The following KREMEN1 variants were observed in gnomAD, a reference collection of about 807,000 sequenced individuals.
KREMEN1 encodes the protein kremen protein 1.
KREMEN1 carries 30 observed loss-of-function variants against 46.5 expected under a neutral mutation model. The observed-to-expected ratio is 0.65, with a 90% CI of 0.48 to 0.88. The LOEUF (loss-of-function observed/expected upper bound fraction) is 0.88. Ranked by LOEUF, KREMEN1 falls within the 40% of genes least tolerant of loss-of-function variation. The probability of loss-of-function intolerance (pLI) is 0.00; values close to 1 mark genes in which losing one functional copy is unlikely to be tolerated. For synonymous variants in KREMEN1, 214 were observed against 230.6 expected (o/e 0.93, Z 0.65); for missense variants, 533 against 596.9 (o/e 0.89, Z 1.11).
chr22:29,157,826 A>G (rs2038976902), intron 9 of KREMEN1, among the ~76,000 whole-genome samples: 1 of 152,226 alleles, frequency 6.6e-6, no homozygotes, highest in Non-Finnish European at 1.5e-5. Flanking sequence ...ACTACAAAGT[A>G]AGAAGGGATT....
intron 3 of KREMEN1, among the ~76,000 whole-genome samples, chr22:29,119,446 G>A (rs759222547): frequency 2.0e-5 from 3 of 152,224 alleles, no homozygotes; most frequent in African/African-American, 7.2e-5. Flanking sequence ...GGATGTGGGG[G>A]TGTGGGACTG....
chr22:29,097,989 C>A (rs2037908544), intron 2 of KREMEN1, among the ~76,000 whole-genome samples: 1 of 152,134 alleles, frequency 6.6e-6, no homozygotes, highest in Non-Finnish European at 1.5e-5. Context: ...GGAGACCAGA[C>A]TGGCCAATAT....
intron 1 of KREMEN1, among the ~76,000 whole-genome samples, chr22:29,087,432 G>GT (rs1234921583): frequency 2.0e-5 from 3 of 152,184 alleles, no homozygotes; most frequent in Non-Finnish European, 2.9e-5. Context: ...TCAATAGTGT[G>GT]TTTTTGGACA....
In KREMEN1 at chr22:29,145,947, C is replaced by G; in HGVS notation, c.*3835C>G. The G allele has an allele frequency of 4.1e-6, 4 of 986,014 alleles. No individual in the cohort carries two copies. The South Asian group carries it at 1.9e-4, about 46-fold the overall frequency. 61.1% of individuals were successfully genotyped at this position (986,014 alleles called of 1,614,324 possible). A position where few individuals can be genotyped will look rare whatever the true frequency, so the allele number is the denominator to read the frequency against. On this transcript the variant is annotated 3_prime_UTR_variant, in exon 9 of 9. Coordinates refer to ENST00000400335, the MANE Select transcript of KREMEN1 (RefSeq NM_001039570.3). ...CCAGGCAGGAGCCTTCCTGGCCGGG[C>G]TCAGGATCTGCCTGCAGCCCAGCCA...
chr22:29,125,011 T>G (rs1299582940), intron 4 of KREMEN1, among the ~76,000 whole-genome samples: 1 of 152,146 alleles, frequency 6.6e-6, no homozygotes, highest in Non-Finnish European at 1.5e-5. Flanking sequence ...CCCTTAAAAC[T>G]TACTGAAGTG....
In KREMEN1 at chr22:29,125,406, C is replaced by T; in HGVS notation, c.621C>T (p.Ile207=). ...CCTGTGGTGGCGATGGCAGGATCAT[C>T]CTCTTTGATAGTGAGTATGCCCTGT... is the stretch of plus-strand genomic sequence containing the variant. ...TQPCGGDGRI[I]LFDTLVGACG... is the part of the protein sequence containing the mutation. Residue 207 remains isoleucine (I), a synonymous_variant, in exon 5 of 9, where the codon ATC becomes ATT. Coordinates refer to ENST00000400335, the MANE Select transcript of KREMEN1 (RefSeq NM_001039570.3). 6.2e-7 allele frequency: 1 copy of T among 1,614,158 alleles called. No homozygotes were observed. Among genetic ancestry groups the T allele is most frequent in the Non-Finnish European group, 8.5e-7 (1 of 1,180,014 alleles).
rs539084279 is a variant in KREMEN1 at position 29,145,516 on chromosome 22, C to T, written c.*3404C>T. The T allele has an allele frequency of 1.3e-4, 132 of 985,568 alleles. No homozygotes were observed. In the East Asian group the frequency reaches 5.9e-3, roughly 44 times the overall value. 61.1% of individuals were successfully genotyped at this position (985,568 alleles called of 1,614,324 possible). Reference sequence around the variant, plus strand: ...TGCCAACAGGAGAGCCCTCACCAGCCGATCTTGTCACTCTCCGTGGTGACA... The same window carrying T: ...TGCCAACAGGAGAGCCCTCACCAGCTGATCTTGTCACTCTCCGTGGTGACA... On this transcript the variant is annotated 3_prime_UTR_variant, in exon 9 of 9. Coordinates refer to ENST00000400335, the MANE Select transcript of KREMEN1 (RefSeq NM_001039570.3).
chr22:29,123,355 A>C (rs967955913), intron 4 of KREMEN1, among the ~76,000 whole-genome samples: 2 of 152,066 alleles, frequency 1.3e-5, no homozygotes, highest in Admixed American at 6.5e-5. Context: ...TTAAAAAAAA[A>C]AAAAGCCAAA....
At position 29,073,126 on chromosome 22, in the gene KREMEN1, G is replaced by T. The variant is rs1427223590; in HGVS notation, c.-5G>T. 2 of 1,042,858 alleles carry T rather than the reference G, an allele frequency of 1.9e-6. No homozygotes were observed. Among genetic ancestry groups the T allele is most frequent in the African/African-American group, 3.5e-5 (2 of 57,244 alleles). The allele number at this position is 1,042,858 out of a possible 1,614,324, so 64.6% of individuals were successfully genotyped here. On this transcript the variant is annotated 5_prime_UTR_variant, in exon 1 of 9. Transcript: ENST00000400335. This position sits in a 1 kb window ranked among gnomAD's most constrained non-coding sequence, Gnocchi z 4.4. ...CCGCGCCCCGGGGCCCCGCACTGAC[G>T]GCCCATGGCGCCGCCAGCCGCCCGC... is the stretch of plus-strand genomic sequence containing the variant.
rs114711193 is a variant in KREMEN1, at chr22:29,145,644, C to G, written c.*3532C>G. 1 of 985,428 alleles carries G rather than the reference C, an allele frequency of 1.0e-6. No homozygotes were observed. The highest frequency in any genetic ancestry group is 4.7e-5 in the South Asian group (1 of 21,296). 61.0% of individuals were successfully genotyped at this position (985,428 alleles called of 1,614,324 possible). On this transcript the variant is annotated 3_prime_UTR_variant, in exon 9 of 9. Transcript: ENST00000400335. ...AGGCACACGGTGCCCTGTTCTTCCC[C>G]GTTTGTCCAGTTGCTTGCAAAGCAG...
Position 29,146,000 on chromosome 22 carries a change from G to A in KREMEN1, c.*3888G>A. On this transcript the variant is annotated 3_prime_UTR_variant, in exon 9 of 9. Transcript: ENST00000400335. Reference sequence around the variant, plus strand: ...CCATCACCCAGCCCCGATGCATCCTGGCACTGCACGCTTACTCTTCACAAG... The same window carrying A: ...CCATCACCCAGCCCCGATGCATCCTAGCACTGCACGCTTACTCTTCACAAG... 2 of 985,954 alleles carry A rather than the reference G, an allele frequency of 2.0e-6. No individual in the cohort carries two copies. The highest frequency in any genetic ancestry group is 2.4e-6 in the Non-Finnish European group (2 of 830,040). 61.1% of individuals were successfully genotyped at this position (985,954 alleles called of 1,614,324 possible). A position where few individuals can be genotyped will look rare whatever the true frequency, so the allele number is the denominator to read the frequency against.
chr22:29,151,693 AT>A (rs1050210489), downstream of KREMEN1, among the ~76,000 whole-genome samples: 7 of 152,142 alleles, frequency 4.6e-5, no homozygotes, highest in South Asian at 2.1e-4. Flanking sequence ...TATTCTTTTG[AT>A]TTTTTCCCCC....
chr22:29,089,397 C>T, intron 1 of KREMEN1, among the ~76,000 whole-genome samples: 1 of 152,136 alleles, frequency 6.6e-6, no homozygotes, highest in East Asian at 1.9e-4. Context: ...CCAGCAAATA[C>T]TTTTGCCACT....
At chr22:29,139,875 C>G (rs2038733949) in intron 7 of KREMEN1, among the ~76,000 whole-genome samples, 1 of 152,190 alleles carries the variant, frequency 6.6e-6, no homozygotes, top group Admixed American at 6.5e-5. Flanking sequence ...CGTCATTAGG[C>G]TGTGGTTCTC....
At chr22:29,137,091 C>G (rs1205820483) in intron 5 of KREMEN1, among the ~76,000 whole-genome samples, 2 of 152,218 alleles carry the variant, frequency 1.3e-5, no homozygotes, top group African/African-American at 4.8e-5. Context: ...CTCTCTGACT[C>G]CAGCCCTGCC....
intron 2 of KREMEN1, 21 bp from the exon 3 acceptor site, chr22:29,098,841 T>C (rs1433242626): frequency 2.0e-5 from 32 of 1,578,118 alleles, no homozygotes; most frequent in Non-Finnish European, 2.8e-5. Context: ...AAGTCATCAA[T>C]TGTGTCCTTT....
At chr22:29,121,610 C>A in intron 4 of KREMEN1, 129 bp downstream of exon 4, 1 of 1,053,060 alleles carries the variant, frequency 9.5e-7, no homozygotes, top group Non-Finnish European at 1.4e-6. Context: ...TATGATTCCA[C>A]TTACATGAAT....
Position 29,166,670 on chromosome 22 carries a change from A to G in KREMEN1, c.1417-374A>G, listed in dbSNP as rs375167677. Among the ~76,000 whole-genome samples the G allele has an allele frequency of 1.9e-3, 284 of 152,270 alleles. 1 individual carries two copies. The highest frequency in any genetic ancestry group is 6.4e-3 in the African/African-American group (267 of 41,560). On this transcript the variant is annotated intron_variant, in intron 9 of 9. Transcript: ENST00000327813. ...AGACCAAGATCAGGCCAGGCGCGGT[A>G]GCTCACACCTGTAGTCCCAGCACTT...
intron 3 of KREMEN1, among the ~76,000 whole-genome samples, chr22:29,115,899 A>G (rs904286785): frequency 2.0e-5 from 3 of 152,212 alleles, no homozygotes; most frequent in African/African-American, 7.2e-5. Flanking sequence ...TGGTCTCTGT[A>G]TAGAATGTGA....
Sources: allele counts gnomAD v4.1 joint callset (sites outside exome capture counted in the v4.1 genomes callset), GRCh38; gene constraint gnomAD v4.1.1; non-coding constraint Gnocchi (gnomAD v3.1); transcripts MANE v1.5; gene names NCBI Gene and HGNC (gene_info 2026-07-23, HGNC 2026-07-21).